The following SCN4A variants were observed in gnomAD, a reference collection of about 807,000 sequenced individuals.
The protein encoded by SCN4A is sodium voltage-gated channel alpha subunit 4, also known as sodium channel protein type 4 subunit alpha.
SCN4A carries 83 observed loss-of-function variants against 162.0 expected under a neutral mutation model. The observed-to-expected ratio is 0.51, with a 90% CI of 0.43 to 0.61. The LOEUF is 0.61. SCN4A is among the 20% of genes least tolerant of loss of function. The pLI is 0.00. For missense variants in SCN4A, 2,196 were observed against 2,462.5 expected, an observed-to-expected ratio of 0.89 and a Z score of 2.29; for synonymous variants, 944 against 985.1, an observed-to-expected ratio of 0.96 and a Z score of 0.78.
chr17:63,955,051 C>T (rs773709535), intron 13 of SCN4A, among the ~76,000 whole-genome samples: 6 of 152,218 alleles, frequency 3.9e-5, no homozygotes, highest in Non-Finnish European at 5.9e-5. Context: ...TGGGTAAATG[C>T]TAAATAAATG....
At chr17:63,967,483 G>T (rs953956862) in intron 6 of SCN4A, among the ~76,000 whole-genome samples, 1 of 151,992 alleles carries the variant, frequency 6.6e-6, no homozygotes, top group Non-Finnish European at 1.5e-5. Context: ...TTTGCCATTT[G>T]TTGCTGCAGT....
At chr17:63,966,752 C>A (rs1030297225) in intron 6 of SCN4A, among the ~76,000 whole-genome samples, 3 of 152,248 alleles carry the variant, frequency 2.0e-5, no homozygotes, top group African/African-American at 4.8e-5. Context: ...AGCTTGAGCC[C>A]TGTCAGCCCA....
intron 5 of SCN4A, among the ~76,000 whole-genome samples, chr17:63,969,773 GC>G (rs1909562030): frequency 6.6e-6 from 1 of 152,078 alleles, no homozygotes; most frequent in African/African-American, 2.4e-5. Context: ...CTCCCAGGTA[GC>G]TGGGATTACA....
At chr17:63,958,630 G>T (rs972801363) in intron 12 of SCN4A, among the ~76,000 whole-genome samples, 2 of 152,122 alleles carry the variant, frequency 1.3e-5, no homozygotes, top group Admixed American at 1.3e-4. Flanking sequence ...TCGGCTCACT[G>T]CAACCTCAGC....
At chr17:63,966,306 G>A in intron 7 of SCN4A, 63 bp from the exon 8 acceptor site, 1 of 1,525,678 alleles carries the variant, frequency 6.6e-7, no homozygotes, top group South Asian at 1.2e-5. Flanking sequence ...GGGCAGATAG[G>A]GACCCCAAGG....
intron 10 of SCN4A, 198 bp from the exon 11 acceptor site, chr17:63,961,629 A>T: frequency 3.4e-4 from 117 of 344,988 alleles, no homozygotes; most frequent in Non-Finnish European, 4.8e-4. Flanking sequence ...TCCGCCCCAC[A>T]TGGCTTCACC....
chr17:63,945,339 G>A lies in SCN4A; in HGVS notation c.3720+21C>T, dbSNP rs375221252. The A allele has an allele frequency of 7.5e-6, 12 of 1,596,366 alleles. No individual in the cohort carries two copies. In the South Asian group the frequency reaches 1.2e-4, roughly 16 times the overall value. On this transcript the variant is annotated intron_variant, in intron 19 of 23. Transcript: ENST00000435607. The surrounding 1 kb of genome is among the most constrained non-coding windows in gnomAD (Gnocchi z 4.4). ...GGCACCTCCATCCAGGTTCCCGGCA[G>A]GGGTGGTGGGTCACACTCACCACCT... is the stretch of plus-strand genomic sequence containing the variant.
chr17:63,968,678 T>A (rs1354502747), intron 5 of SCN4A, among the ~76,000 whole-genome samples: 3 of 152,190 alleles, frequency 2.0e-5, no homozygotes, highest in South Asian at 2.1e-4. Flanking sequence ...TGTCAAAGTG[T>A]GTTCAACAGA....
At chr17:63,946,462 G>GCCCCCC (rs374261223) in intron 18 of SCN4A, among the ~76,000 whole-genome samples, 6 of 106,662 alleles carry the variant, frequency 5.6e-5, no homozygotes, top group Admixed American at 9.3e-5. Flanking sequence ...CATTTTTCTT[G>GCCCCCC]CCCCCCCCCC....
intron 23 of SCN4A, 39 bp from the exon 24 acceptor site, chr17:63,942,032 G>T (rs116609378): frequency 6.6e-6 from 10 of 1,521,104 alleles, no homozygotes; most frequent in South Asian, 1.3e-5. Flanking sequence ...CCACTGGGGA[G>T]GGGGGCCGGC....
rs1417692251 is a variant in SCN4A, at chr17:63,964,384, G to GC, written c.1452+83dup. ...ACCCCTGTACCCTCCCTCACCCTCG[G>GC]CCCCCCAGGGAGAAGCCAGTGGCAG... On this transcript the variant is annotated intron_variant, in intron 9 of 23. Transcript: ENST00000435607. The GC allele has an allele frequency of 4.0e-6, 5 of 1,253,406 alleles. No individual in the cohort carries two copies. The African/African-American group carries it at 4.4e-5, about 11-fold the overall frequency. 77.6% of individuals were successfully genotyped at this position (1,253,406 alleles called of 1,614,324 possible). A position where few individuals can be genotyped will look rare whatever the true frequency, so the allele number is the denominator to read the frequency against.
At chr17:63,943,339 C>CCTCCCTCCTCCCCGGGGA (rs1378540136) in intron 22 of SCN4A, among the ~76,000 whole-genome samples, 1 of 45,466 alleles carries the variant, frequency 2.2e-5, no homozygotes, top group Non-Finnish European at 4.4e-5. Flanking sequence ...GGTTCATGGT[C>CCTCCCTCCTCCCCGGGGA]CTCCCTTCAA....
Position 63,943,203 on chromosome 17 carries a change from CAGAGATGACAG to C in SCN4A, c.4018-118_4018-108del, listed in dbSNP as rs531252158. The C allele has an allele frequency of 0.13, 123,227 of 945,246 alleles. 2,691 individuals are homozygous for C. Among genetic ancestry groups the C allele is most frequent in the Middle Eastern group, 0.18 (678 of 3,758 alleles). The allele number at this position is 945,246 out of a possible 1,614,324, so 58.6% of individuals were successfully genotyped here. A position where few individuals can be genotyped will look rare whatever the true frequency, so the allele number is the denominator to read the frequency against. ...TGGCACCACAGCATGACAGAGATGA[CAGAGATGACAG>C]AGAGAGAGAGAGAGAGAGAGAGAAA... On this transcript the variant is annotated intron_variant, in intron 22 of 23. Coordinates refer to ENST00000435607, the MANE Select transcript of SCN4A (RefSeq NM_000334.4).
rs769634298 is a variant in SCN4A, at chr17:63,951,499, G to A, written c.2778C>T (p.Ile926=). 45 of 1,613,800 alleles carry A rather than the reference G, an allele frequency of 2.8e-5. No homozygotes were observed. The highest frequency in any genetic ancestry group is 1.6e-4 in the Middle Eastern group (1 of 6,062). Residue 926 remains isoleucine (I), a synonymous_variant, in exon 14 of 24, where the codon ATC becomes ATT. Transcript: ENST00000435607. This position sits in a 1 kb window ranked among gnomAD's most constrained non-coding sequence, Gnocchi z 4.5. ...NNPYLTIQVP[I]ASEESDLEMP... ...TCTCCAGGTCGGACTCCTCGGAGGCGATGGGCACCTGTATGGTCAGGTAGG... is the reference window on the plus strand; with the variant it reads ...TCTCCAGGTCGGACTCCTCGGAGGCAATGGGCACCTGTATGGTCAGGTAGG...
At chr17:63,956,038 C>G (rs1461274888) in intron 13 of SCN4A, among the ~76,000 whole-genome samples, 2 of 152,164 alleles carry the variant, frequency 1.3e-5, no homozygotes. Context: ...CCACTGCCAC[C>G]CCAAGAAGGG....
chr17:63,949,594 TG>T (rs1908843830), intron 14 of SCN4A, 66 bp from the exon 15 acceptor site: 1 of 1,497,380 alleles, frequency 6.7e-7, no homozygotes, highest in East Asian at 2.3e-5. Flanking sequence ...TCCTACCAGA[TG>T]GGGCAGGATG....
rs1908686420 is a variant in SCN4A at position 63,945,480 on chromosome 17, G to C, written c.3600C>G (p.Ile1200Met). The C allele has an allele frequency of 2.5e-6, 4 of 1,614,016 alleles. No homozygotes were observed. The East Asian group carries it at 8.9e-5, about 36-fold the overall frequency. Reference sequence around the variant, plus strand: ...ACTCAGACTTGTTGTTGACCTCGGAGATGTCGAACCTCTCAGAGGTGGTGG... The same window carrying C: ...ACTCAGACTTGTTGTTGACCTCGGACATGTCGAACCTCTCAGAGGTGGTGG... ...INTTTSERFD[I>M]SEVNNKSECE... Residue 1200 changes from isoleucine (I) to methionine (M), a missense_variant, in exon 19 of 24, where the codon ATC becomes ATG. Coordinates refer to ENST00000435607, the MANE Select transcript of SCN4A (RefSeq NM_000334.4). The surrounding 1 kb of genome is among the most constrained non-coding windows in gnomAD (Gnocchi z 4.4).
In SCN4A at chr17:63,968,144, T is replaced by C. The variant is rs199578875; in HGVS notation, c.915A>G (p.Thr305=). 1 of 1,613,848 alleles carries C rather than the reference T, an allele frequency of 6.2e-7. No homozygotes were observed. Among genetic ancestry groups the C allele is most frequent in the Non-Finnish European group, 8.5e-7 (1 of 1,179,842 alleles). ...CGTACCACATCTCATTGCCATACCA[T>C]GTGTCATTGCCGTACCACGTGTCAT... The part of the protein sequence containing the change: ...YSNDTWYGND[T]WYGNEMWYGN... The change falls in exon 6 of 24, where the codon ACA becomes ACG. Residue 305 remains threonine, a synonymous_variant. Coordinates refer to ENST00000435607, the MANE Select transcript of SCN4A (RefSeq NM_000334.4).
intron 14 of SCN4A, among the ~76,000 whole-genome samples, chr17:63,949,989 G>A (rs1427562349): frequency 2.0e-5 from 3 of 152,144 alleles, no homozygotes; most frequent in African/African-American, 7.2e-5. Flanking sequence ...GGGTCTGTTT[G>A]GCTGAGGAAT....
Sources: gnomAD v4.1 joint callset for allele counts (sites outside exome capture counted in the v4.1 genomes callset) on GRCh38, gnomAD v4.1.1 for gene constraint, Gnocchi (gnomAD v3.1) non-coding constraint, MANE v1.5 for transcripts, NCBI Gene and HGNC (gene_info 2026-07-23, HGNC 2026-07-21) for gene names.